Variants in TTC17 observed in about 807,000 individuals in gnomAD.
TTC17 encodes the protein tetratricopeptide repeat protein 17.
Under a neutral mutation model 143.8 loss-of-function variants are expected in TTC17, and 58 were observed. The ratio of observed to expected loss-of-function variants is 0.40; its 90% CI spans 0.33 to 0.50. The LOEUF is 0.50. TTC17 is among the 20% of genes least tolerant of loss of function. The pLI is 0.49. For missense variants in TTC17, 1,273 were observed against 1,392.5 expected, an observed-to-expected ratio of 0.91 and a Z score of 1.37; for synonymous variants, 501 against 497.8, an observed-to-expected ratio of 1.01 and a Z score of -0.09.
chr11:43,466,737 G>A (rs1362281066), intron 21 of TTC17: 4 of 318,520 alleles, frequency 1.3e-5, no homozygotes, highest in South Asian at 3.3e-5. Context: ...CACTGCCATG[G>A]CCAAATGGTG....
intron 18 of TTC17, chr11:43,446,715 C>T: frequency 1.0e-6 from 1 of 977,852 alleles, no homozygotes; most frequent in Non-Finnish European, 1.2e-6. Context: ...AAGCGCTATA[C>T]AGAACTAAAG....
chr11:43,375,824 T>C (rs893585763), intron 1 of TTC17, among the ~76,000 whole-genome samples: 7 of 152,196 alleles, frequency 4.6e-5, no homozygotes, highest in Non-Finnish European at 1.5e-5. Flanking sequence ...ATTGGTTAAG[T>C]TTAAAATGTT....
chr11:43,397,176 A>T, intron 6 of TTC17, 171 bp from the exon 7 acceptor site: 1 of 679,866 alleles, frequency 1.5e-6, no homozygotes, highest in South Asian at 2.9e-5. Context: ...TTTTAGTGAC[A>T]AAATTTGTAG....
At chr11:43,434,964 ACTTC>A (rs546634252) in intron 16 of TTC17, among the ~76,000 whole-genome samples, 8 of 152,202 alleles carry the variant, frequency 5.3e-5, no homozygotes, top group Non-Finnish European at 7.3e-5. Flanking sequence ...CATTAGAAGT[ACTTC>A]CTTAAATTGT....
rs139466896 is a variant in TTC17, at chr11:43,407,502, C to T, written c.1989C>T (p.Asn663=). 3.6e-5 allele frequency: 58 copies of T among 1,614,036 alleles called. No homozygotes were observed. In the Middle Eastern group the frequency reaches 8.3e-4, roughly 23 times the overall value. The change falls in exon 15 of 24, where the codon AAC becomes AAT. Residue 663 remains asparagine (N), a synonymous_variant. Transcript: ENST00000039989. ...ATGTTCCTCTTGTCAACTTGGCCAA[C>T]CTTTTGATTCATTACGGCCTTCATC... is the stretch of plus-strand genomic sequence containing the variant. ...YQDVPLVNLA[N]LLIHYGLHLD...
chr11:43,378,053 G>A (rs1056885626), intron 1 of TTC17, among the ~76,000 whole-genome samples: 22 of 152,042 alleles, frequency 1.4e-4, no homozygotes, highest in Non-Finnish European at 2.8e-4. Flanking sequence ...ACAGTCCTGC[G>A]CCACCATGCC....
intron 16 of TTC17, among the ~76,000 whole-genome samples, chr11:43,421,182 T>A (rs1946894794): frequency 6.6e-6 from 1 of 152,134 alleles, no homozygotes; most frequent in African/African-American, 2.4e-5. Flanking sequence ...GAGGCCCCAC[T>A]GAGAAAGTGA....
intron 11 of TTC17, among the ~76,000 whole-genome samples, chr11:43,405,080 C>T (rs1194025966): frequency 1.3e-5 from 2 of 150,474 alleles, no homozygotes; most frequent in Non-Finnish European, 2.9e-5. Context: ...ATCAGTGACC[C>T]ATTTCTTCTT....
chr11:43,396,681 T>G, intron 5 of TTC17, 28 bp from the exon 6 acceptor site: 8 of 1,381,874 alleles, frequency 5.8e-6, no homozygotes, highest in Non-Finnish European at 6.0e-6. Flanking sequence ...TTGAGTCGTG[T>G]TTGTAATTTT....
chr11:43,386,375 T>A (rs1857169966), intron 2 of TTC17, among the ~76,000 whole-genome samples: 2 of 152,226 alleles, frequency 1.3e-5, no homozygotes, highest in Non-Finnish European at 2.9e-5. Context: ...AACATGTTAC[T>A]GTACTGAATA....
intron 5 of TTC17, among the ~76,000 whole-genome samples, chr11:43,393,717 C>G (rs1223669151): frequency 6.6e-6 from 1 of 152,164 alleles, no homozygotes; most frequent in Non-Finnish European, 1.5e-5. Flanking sequence ...CCACCTGCCT[C>G]CAGTCATCCC....
At chr11:43,406,980 G>A (rs753057291) in intron 13 of TTC17, among the ~76,000 whole-genome samples, 158 bp from the exon 14 acceptor site, 1 of 152,046 alleles carries the variant, frequency 6.6e-6, no homozygotes, top group African/African-American at 2.4e-5. Context: ...AACACCTGTT[G>A]GTATGTGAAT....
rs1240144744 is a variant in TTC17, at chr11:43,443,451, G to A, written c.2378G>A (p.Gly793Asp). Residue 793 changes from glycine (G) to aspartate (D), a missense_variant, in exon 17 of 24, where the codon GGT (glycine) becomes GAT (aspartate). Coordinates refer to ENST00000039989, the MANE Select transcript of TTC17 (RefSeq NM_018259.6). ...QQAWPLEGFG[G>D]ALEMKGRRLD... ...GCATGGCCTTTGGAAGGCTTTGGGG[G>A]TGCACTAGAGATGAAAGGGCGGCGT... 2.5e-6 allele frequency: 4 copies of A among 1,614,064 alleles called. No homozygotes were observed. The highest frequency in any genetic ancestry group is 1.6e-4 in the Middle Eastern group (1 of 6,084).
chr11:43,420,977 C>CTTCA (rs968992707), intron 16 of TTC17, among the ~76,000 whole-genome samples: 19 of 152,036 alleles, frequency 1.2e-4, no homozygotes, highest in African/African-American at 1.9e-4. Context: ...GTGGTTTATT[C>CTTCA]TTCATTCATT....
intron 1 of TTC17, among the ~76,000 whole-genome samples, chr11:43,362,045 A>T (rs1856128549): frequency 7.3e-6 from 1 of 136,712 alleles, no homozygotes; most frequent in African/African-American, 2.9e-5. Context: ...CAATGGCGCT[A>T]TCTTGGCTCA....
At chr11:43,384,394 G>T (rs111740895) in intron 2 of TTC17, among the ~76,000 whole-genome samples, 1 of 152,154 alleles carries the variant, frequency 6.6e-6, no homozygotes, top group Non-Finnish European at 1.5e-5. Flanking sequence ...AGTGGCTCAC[G>T]CCTGTAATCC....
At chr11:43,426,008 T>C (rs1050394417) in intron 16 of TTC17, among the ~76,000 whole-genome samples, 5 of 152,204 alleles carry the variant, frequency 3.3e-5, no homozygotes, top group Non-Finnish European at 7.3e-5. Context: ...GAGATGATTA[T>C]GGAAAATAAT....
intron 16 of TTC17, among the ~76,000 whole-genome samples, chr11:43,438,421 A>G (rs974273835): frequency 1.3e-5 from 2 of 152,192 alleles, no homozygotes; most frequent in African/African-American, 4.8e-5. Flanking sequence ...GGCCTCCCAA[A>G]TGCATGAGCC....
chr11:43,411,925 C>A (rs542609476), intron 15 of TTC17, among the ~76,000 whole-genome samples: 77 of 152,132 alleles, frequency 5.1e-4, no homozygotes, highest in East Asian at 1.2e-3. Flanking sequence ...CAGTCAAAAG[C>A]AGGTAATTGG....
Sources: allele counts gnomAD v4.1 joint callset (sites outside exome capture counted in the v4.1 genomes callset), GRCh38; gene constraint gnomAD v4.1.1; transcripts MANE v1.5; gene names NCBI Gene and HGNC (gene_info 2026-07-23, HGNC 2026-07-21).